The following NEO1 variants were observed in gnomAD, a reference collection of about 807,000 sequenced individuals.
NEO1 encodes neogenin.
NEO1 carries 63 observed loss-of-function variants against 159.7 expected under a neutral mutation model. That is an observed-to-expected ratio of 0.39 (90% CI 0.32 to 0.49). NEO1 has a LOEUF of 0.49. Ranked by LOEUF, NEO1 falls within the 20% of genes least tolerant of loss-of-function variation. NEO1 has a pLI of 0.85. For missense variants in NEO1, 1,615 were observed against 1,831.0 expected (o/e 0.88, Z 2.15); for synonymous variants, 633 against 662.0 (o/e 0.96, Z 0.67).
At chr15:73,252,762 G>T (rs1263536084) in intron 11 of NEO1, among the ~76,000 whole-genome samples, 2 of 152,164 alleles carry the variant, frequency 1.3e-5, no homozygotes, top group Non-Finnish European at 2.9e-5. Flanking sequence ...GGCCGAGGCA[G>T]ATGGATCACC....
chr15:73,058,089 T>G lies in NEO1; in HGVS notation c.130+5284T>G, dbSNP rs538419043. ...TTGTTTTTTCAACTTGCTTTTTCAC[T>G]TAGTATGTTGGAGATCGTTCCATGC... On this transcript the variant is annotated intron_variant, in intron 1 of 28. Transcript: ENST00000261908. Among the ~76,000 whole-genome samples the G allele has an allele frequency of 2.0e-5, 3 of 152,310 alleles. No homozygotes were observed. In the South Asian group the frequency reaches 6.2e-4, roughly 32 times the overall value.
intron 21 of NEO1, among the ~76,000 whole-genome samples, chr15:73,275,477 C>T (rs748638529): frequency 6.6e-6 from 1 of 151,924 alleles, no homozygotes; most frequent in Admixed American, 6.6e-5. Context: ...AAGTGAGACC[C>T]CCTCTCTACA....
intron 7 of NEO1, among the ~76,000 whole-genome samples, chr15:73,178,660 T>C (rs891025028): frequency 6.6e-6 from 1 of 152,228 alleles, no homozygotes; most frequent in Non-Finnish European, 1.5e-5. Context: ...CTGAATATTA[T>C]AGTCTTAATA....
At chr15:73,247,418 T>A (rs1251026598) in intron 9 of NEO1, among the ~76,000 whole-genome samples, 1 of 152,230 alleles carries the variant, frequency 6.6e-6, no homozygotes, top group African/African-American at 2.4e-5. Flanking sequence ...CAAGAGAATT[T>A]AGGGACTGTT....
At chr15:73,174,099 C>CAAAAA (rs35792534) in intron 5 of NEO1, among the ~76,000 whole-genome samples, 2 of 143,132 alleles carry the variant, frequency 1.4e-5, no homozygotes, top group Non-Finnish European at 3.0e-5. Context: ...GACTCCATCT[C>CAAAAA]AAAAAAAAAA....
chr15:73,267,751 G>A (rs896500591), intron 16 of NEO1, among the ~76,000 whole-genome samples: 1 of 151,820 alleles, frequency 6.6e-6, no homozygotes, highest in African/African-American at 2.4e-5. Context: ...GCATTCCATG[G>A]TGTATATGTG....
chr15:73,201,539 T>G (rs2036889363), intron 7 of NEO1, among the ~76,000 whole-genome samples: 2 of 152,184 alleles, frequency 1.3e-5, no homozygotes, highest in South Asian at 4.1e-4. Context: ...GTTTTGTCAT[T>G]GTTGGATGGA....
intron 25 of NEO1, among the ~76,000 whole-genome samples, chr15:73,289,487 G>A (rs1447258028): frequency 6.6e-6 from 1 of 152,180 alleles, no homozygotes; most frequent in Non-Finnish European, 1.5e-5. Flanking sequence ...CCAGGAATAG[G>A]GGAGTAACTA....
intron 7 of NEO1, among the ~76,000 whole-genome samples, chr15:73,208,247 T>G (rs1014788399): frequency 2.0e-5 from 3 of 152,204 alleles, no homozygotes; most frequent in African/African-American, 7.2e-5. Context: ...TTTTAAATAG[T>G]ACGTAGCAAA....
intron 4 of NEO1, 121 bp from the exon 5 acceptor site, chr15:73,135,770 C>T (rs1037350710): frequency 7.9e-5 from 71 of 894,818 alleles, no homozygotes; most frequent in Non-Finnish European, 1.0e-4. Context: ...CTTGGTTCAT[C>T]TATAGCTATA....
chr15:73,116,482 C>T (rs1216933183), intron 1 of NEO1, 58 bp from the exon 2 acceptor site: 7 of 1,421,174 alleles, frequency 4.9e-6, no homozygotes, highest in African/African-American at 1.4e-5. Context: ...AATATATTTT[C>T]TGACAAATAA....
At chr15:73,108,153 A>G (rs1033113140) in intron 1 of NEO1, among the ~76,000 whole-genome samples, 1 of 152,236 alleles carries the variant, frequency 6.6e-6, no homozygotes, top group African/African-American at 2.4e-5. Flanking sequence ...CTTTTGAGCT[A>G]AAGTATAGCT....
intron 15 of NEO1, 25 bp downstream of exon 15, chr15:73,260,490 T>C: frequency 6.6e-7 from 1 of 1,513,990 alleles, no homozygotes; most frequent in Non-Finnish European, 9.0e-7. Context: ...TAGAGAAAGT[T>C]AATTGTGTGG....
chr15:73,208,181 A>C (rs1428482924), intron 7 of NEO1, among the ~76,000 whole-genome samples: 1 of 152,228 alleles, frequency 6.6e-6, no homozygotes, highest in African/African-American at 2.4e-5. Flanking sequence ...CATATCTGTC[A>C]AGTCTTAAAA....
At chr15:73,170,846 T>G (rs1567376477) in intron 5 of NEO1, among the ~76,000 whole-genome samples, 1 of 152,200 alleles carries the variant, frequency 6.6e-6, no homozygotes, top group Admixed American at 6.5e-5. Flanking sequence ...GATGTTTCTC[T>G]TTACAGAATG....
At chr15:73,238,754 G>A (rs1048104426) in intron 8 of NEO1, among the ~76,000 whole-genome samples, 7 of 151,996 alleles carry the variant, frequency 4.6e-5, no homozygotes, top group African/African-American at 1.7e-4. Context: ...TCATAGTACT[G>A]GAAAGCCCAT....
At chr15:73,248,951 A>T in intron 9 of NEO1, 109 bp from the exon 10 acceptor site, 1 of 979,200 alleles carries the variant, frequency 1.0e-6, no homozygotes, top group Non-Finnish European at 1.5e-6. Flanking sequence ...TTGTTTTCTT[A>T]GCTTCTATTA....
At chr15:73,274,796 C>CAT in intron 21 of NEO1, 72 bp downstream of exon 21, 1 of 1,074,112 alleles carries the variant, frequency 9.3e-7, no homozygotes, top group Non-Finnish European at 1.3e-6. Context: ...GTTTTTGTTT[C>CAT]TTTTTTTTTT....
rs535621352 is a variant in NEO1, at chr15:73,237,982, T to G, written c.1451+1476T>G. ...TCTATCATCTTTAGATGACATCTCC[T>G]CAGGCCTTCCCTGAATACCAACCCA... On this transcript the variant is annotated intron_variant, in intron 8 of 28. Transcript: ENST00000261908. 9.8e-5 allele frequency among the ~76,000 whole-genome samples: 15 copies of G among 152,300 alleles called. 1 individual carries two copies. In the East Asian group the frequency reaches 2.7e-3, roughly 27 times the overall value.
Sources: allele counts gnomAD v4.1 joint callset (sites outside exome capture counted in the v4.1 genomes callset), GRCh38; gene constraint gnomAD v4.1.1; transcripts MANE v1.5; gene names NCBI Gene and HGNC (gene_info 2026-07-23, HGNC 2026-07-21).